Variants in SVOP observed in about 807,000 individuals in gnomAD.
SVOP encodes the protein synaptic vesicle 2-related protein.
In SVOP, 17 loss-of-function variants were observed where a neutral mutation model predicts 69.1. The observed-to-expected ratio is 0.25, with a 90% CI of 0.17 to 0.37. The LOEUF is 0.37. SVOP is among the 10% of genes least tolerant of loss of function. The pLI is 1.00. For missense variants in SVOP, 435 were observed against 597.5 expected (o/e 0.73, Z 2.84); for synonymous variants, 238 against 238.6 (o/e 1.00, Z 0.02).
chr12:109,010,855 C>A (rs2040337562), intron 1 of SVOP, among the ~76,000 whole-genome samples: 1 of 152,036 alleles, frequency 6.6e-6, no homozygotes, highest in South Asian at 2.1e-4. Flanking sequence ...GTGAAGCTGG[C>A]TGGCATAAAA....
intron 5 of SVOP, among the ~76,000 whole-genome samples, chr12:108,971,925 A>G (rs1399142611): frequency 2.0e-5 from 3 of 151,960 alleles, no homozygotes; most frequent in Admixed American, 6.6e-5. Context: ...GTATTGGCGC[A>G]TGCTTGTAGT....
chr12:108,944,272 G>T (rs1447291185), intron 7 of SVOP, among the ~76,000 whole-genome samples: 1 of 151,820 alleles, frequency 6.6e-6, no homozygotes. Flanking sequence ...CAAACTCCTG[G>T]CCTCAAGTGA....
intron 6 of SVOP, among the ~76,000 whole-genome samples, chr12:108,949,707 T>C (rs976983632): frequency 6.6e-6 from 1 of 152,034 alleles, no homozygotes; most frequent in African/African-American, 2.4e-5. Flanking sequence ...CCTTCTTTTT[T>C]TTTTTCTTAA....
chr12:108,916,112 T>TGG (rs199646498), intron 14 of SVOP, among the ~76,000 whole-genome samples: 1 of 151,782 alleles, frequency 6.6e-6, no homozygotes, highest in African/African-American at 2.4e-5. Flanking sequence ...CACTCTGTCC[T>TGG]GGGGGGGGCT....
intron 6 of SVOP, among the ~76,000 whole-genome samples, chr12:108,959,864 G>T (rs1405360286): frequency 6.6e-6 from 1 of 152,218 alleles, no homozygotes; most frequent in Non-Finnish European, 1.5e-5. Flanking sequence ...AGGCACTGGG[G>T]TTAGAAGGTC....
At chr12:109,001,544 C>T (rs1478276840) in intron 1 of SVOP, among the ~76,000 whole-genome samples, 9 of 145,256 alleles carry the variant, frequency 6.2e-5, no homozygotes, top group African/African-American at 2.3e-4. Context: ...CATCACACTA[C>T]CTGACTTCAA....
intron 1 of SVOP, among the ~76,000 whole-genome samples, chr12:109,020,199 A>G (rs1401641100): frequency 6.6e-6 from 1 of 152,146 alleles, no homozygotes; most frequent in African/African-American, 2.4e-5. Context: ...TCCTCAAAGC[A>G]GTATATTCCT....
At position 108,934,493 on chromosome 12, in the gene SVOP, A is replaced by G. The variant is rs1326466053; in HGVS notation, c.972-222T>C. Among the ~76,000 whole-genome samples the G allele has an allele frequency of 4.6e-5, 7 of 152,204 alleles. No homozygotes were observed. In the East Asian group the frequency reaches 1.2e-3, roughly 25 times the overall value. On this transcript the variant is annotated intron_variant, in intron 10 of 15. Transcript: ENST00000610966. ...GTGATCCTGTGTCCTTTGAAAGACC[A>G]AGAACTGTCAGAGGTGTTTGAACCA...
chr12:108,964,954 A>G (rs1267317327), intron 5 of SVOP, among the ~76,000 whole-genome samples: 1 of 152,210 alleles, frequency 6.6e-6, no homozygotes, highest in East Asian at 1.9e-4. Context: ...AGACACTGAC[A>G]TATTTTCTTC....
intron 11 of SVOP, among the ~76,000 whole-genome samples, chr12:108,933,146 A>AG (rs2137400231): frequency 6.6e-6 from 1 of 152,260 alleles, no homozygotes; most frequent in Admixed American, 6.5e-5. Flanking sequence ...AAGTGCTGGG[A>AG]CTACATGCAC....
chr12:109,019,329 G>T (rs2135637796), intron 1 of SVOP, among the ~76,000 whole-genome samples: 1 of 151,760 alleles, frequency 6.6e-6, no homozygotes, highest in South Asian at 2.1e-4. Context: ...ATAATGTCAG[G>T]TCTATATATT....
At chr12:108,948,982 C>T (rs2039939367) in intron 6 of SVOP, among the ~76,000 whole-genome samples, 1 of 152,128 alleles carries the variant, frequency 6.6e-6, no homozygotes. Flanking sequence ...AGTCAAACTA[C>T]TAATCATGCA....
At chr12:108,936,700 T>A (rs2039858177) in intron 10 of SVOP, among the ~76,000 whole-genome samples, 1 of 152,214 alleles carries the variant, frequency 6.6e-6, no homozygotes, top group African/African-American at 2.4e-5. Flanking sequence ...GGTCTCAAAC[T>A]GCTGGCCTCG....
intron 4 of SVOP, among the ~76,000 whole-genome samples, chr12:108,973,241 C>T (rs2040088918): frequency 6.6e-6 from 1 of 152,164 alleles, no homozygotes. Context: ...ACAGATAAGG[C>T]AACTGAGGGC....
chr12:108,913,637 G>A (rs914315382), intron 15 of SVOP, among the ~76,000 whole-genome samples: 2 of 152,060 alleles, frequency 1.3e-5, no homozygotes, highest in African/African-American at 2.4e-5. Flanking sequence ...CAAACAACAC[G>A]GCAGAGCTGA....
chr12:108,948,235 T>C (rs1376452464), intron 6 of SVOP, among the ~76,000 whole-genome samples: 2 of 152,178 alleles, frequency 1.3e-5, no homozygotes, highest in Non-Finnish European at 2.9e-5. Flanking sequence ...ATCTTTCTCT[T>C]AGCATCTTTC....
At chr12:108,947,314 G>A (rs535846004) in intron 6 of SVOP, among the ~76,000 whole-genome samples, 1 of 152,052 alleles carries the variant, frequency 6.6e-6, no homozygotes, top group African/African-American at 2.4e-5. Flanking sequence ...TGGGCCTCTT[G>A]GTGGACACAG....
In SVOP at chr12:108,955,695, C is replaced by A. The variant is rs557458010; in HGVS notation, c.578+5228G>T. Reference sequence around the variant, plus strand: ...ATCTACAGTGATACCTTGAGTCATTCATCCGTCATCCATCATACATCACAA... The same window carrying A: ...ATCTACAGTGATACCTTGAGTCATTAATCCGTCATCCATCATACATCACAA... On this transcript the variant is annotated intron_variant, in intron 6 of 15. Coordinates refer to ENST00000610966, the MANE Select transcript of SVOP (RefSeq NM_018711.5). Among the ~76,000 whole-genome samples, 4 of 152,336 alleles carry A rather than the reference C, an allele frequency of 2.6e-5. No homozygotes were observed. The East Asian group carries it at 5.8e-4, about 22-fold the overall frequency.
intron 5 of SVOP, among the ~76,000 whole-genome samples, chr12:108,969,384 C>CT (rs372898097): frequency 2.9e-5 from 4 of 138,598 alleles, no homozygotes; most frequent in Non-Finnish European, 3.1e-5. Context: ...CCTTTTCTTT[C>CT]TTTTTTTTTT....
Sources: gnomAD v4.1 joint callset for allele counts (sites outside exome capture counted in the v4.1 genomes callset) on GRCh38, gnomAD v4.1.1 for gene constraint, MANE v1.5 for transcripts, NCBI Gene and HGNC (gene_info 2026-07-23, HGNC 2026-07-21) for gene names.